The following TPD52L1 variants were observed in gnomAD, a reference collection of about 807,000 sequenced individuals.
TPD52L1 encodes the protein TPD52 like 1.
Under a neutral mutation model 28.7 loss-of-function variants are expected in TPD52L1, and 18 were observed. The ratio of observed to expected loss-of-function variants is 0.63; its 90% CI spans 0.43 to 0.93. TPD52L1 has a LOEUF of 0.93. Among genes scored for constraint, TPD52L1 ranks in the 40% least tolerant of loss-of-function variants. The pLI is 0.00. For synonymous variants in TPD52L1, 75 were observed against 88.8 expected, an observed-to-expected ratio of 0.84 and a Z score of 0.88; for missense variants, 203 against 254.8, an observed-to-expected ratio of 0.80 and a Z score of 1.39.
chr6:125,169,694 G>C (rs1057175050), intron 1 of TPD52L1, among the ~76,000 whole-genome samples: 1 of 152,058 alleles, frequency 6.6e-6, no homozygotes, highest in African/African-American at 2.4e-5. Context: ...TCTCCCATGC[G>C]CATTACTGCA....
At position 125,158,973 on chromosome 6, in the gene TPD52L1, G is replaced by A. The variant is rs528894856; in HGVS notation, c.19+5003G>A. ...ATACTTTTTGCTAAAAATTGCTAAC[G>A]ATCATTTGTGCCTTCACTGAGTGGT... On this transcript the variant is annotated intron_variant, in intron 1 of 6. Coordinates refer to ENST00000534000, the MANE Select transcript of TPD52L1 (RefSeq NM_003287.4). 5.3e-5 allele frequency among the ~76,000 whole-genome samples: 8 copies of A among 152,304 alleles called. No homozygotes were observed. In the South Asian group the frequency reaches 1.7e-3, roughly 32 times the overall value.
intron 3 of TPD52L1, among the ~76,000 whole-genome samples, chr6:125,237,587 A>T (rs1261954504): frequency 6.6e-6 from 1 of 152,206 alleles, no homozygotes; most frequent in Non-Finnish European, 1.5e-5. Flanking sequence ...TTATGATGTC[A>T]GTAGAGTCCT....
intron 1 of TPD52L1, chr6:125,209,053 A>G: frequency 1.4e-6 from 1 of 692,254 alleles, no homozygotes; most frequent in African/African-American, 1.9e-5. Flanking sequence ...TATTTCCCAT[A>G]CACAGCCTTG....
intron 1 of TPD52L1, among the ~76,000 whole-genome samples, chr6:125,218,144 T>G (rs903990525): frequency 2.0e-5 from 3 of 152,214 alleles, no homozygotes; most frequent in Admixed American, 6.5e-5. Flanking sequence ...GAATGTCCAA[T>G]TTTAATATAC....
chr6:125,210,126 T>G (rs6919420), intron 1 of TPD52L1, among the ~76,000 whole-genome samples: 1 of 152,058 alleles, frequency 6.6e-6, no homozygotes, highest in African/African-American at 2.4e-5. Context: ...TCAGGAGAAG[T>G]CAAATAATCA....
chr6:125,188,298 T>C (rs933845078), intron 1 of TPD52L1, among the ~76,000 whole-genome samples: 1 of 152,162 alleles, frequency 6.6e-6, no homozygotes, highest in African/African-American at 2.4e-5. Context: ...ATCTGTCTTC[T>C]TCACCTAGTA....
intron 3 of TPD52L1, 120 bp downstream of exon 3, chr6:125,229,386 T>C: frequency 1.9e-6 from 2 of 1,039,006 alleles, no homozygotes; most frequent in Non-Finnish European, 2.7e-6. Context: ...AAAAAAATAC[T>C]TTCTCTAAAA....
At chr6:125,260,976 GAAAAGAAAAGAAAGAAAGAAAGA>G in intron 6 of TPD52L1, 1 of 83,682 alleles carries the variant, frequency 1.2e-5, no homozygotes, top group Non-Finnish European at 2.5e-5. Context: ...AAGAAAGAAA[GAAAAGAAAAGAAAGAAAGAAAGA>G]AAGAAAGAAA....
intron 1 of TPD52L1, among the ~76,000 whole-genome samples, chr6:125,179,350 G>T (rs1792034784): frequency 1.3e-5 from 2 of 152,222 alleles, no homozygotes; most frequent in Non-Finnish European, 2.9e-5. Flanking sequence ...GAATAGTGCA[G>T]CTCAATGACA....
chr6:125,259,493 C>G (rs1334497051), intron 6 of TPD52L1, among the ~76,000 whole-genome samples: 1 of 152,202 alleles, frequency 6.6e-6, no homozygotes, highest in Admixed American at 6.5e-5. Context: ...CTGATGTCAC[C>G]TGTACAGTCA....
chr6:125,203,695 G>C (rs868853819), intron 1 of TPD52L1: 7 of 985,354 alleles, frequency 7.1e-6, no homozygotes, highest in Non-Finnish European at 7.2e-6. Context: ...GCTTAGGGCT[G>C]AGCAGCTCAC....
intron 2 of TPD52L1, among the ~76,000 whole-genome samples, chr6:125,222,899 GA>G (rs1164631329): frequency 3.3e-4 from 50 of 152,204 alleles, no homozygotes; most frequent in Middle Eastern, 3.4e-3. Context: ...AAAAGAAAAA[GA>G]AAACAAACTG....
At chr6:125,233,542 ATTCTT>A (rs1163124316) in intron 3 of TPD52L1, among the ~76,000 whole-genome samples, 1 of 152,214 alleles carries the variant, frequency 6.6e-6, no homozygotes, top group Non-Finnish European at 1.5e-5. Flanking sequence ...CAGGAAGTAG[ATTCTT>A]TTCTTCTAGA....
chr6:125,256,797 A>T (rs905528090), intron 5 of TPD52L1, among the ~76,000 whole-genome samples: 5 of 152,280 alleles, frequency 3.3e-5, no homozygotes, highest in African/African-American at 1.2e-4. Flanking sequence ...CCACTGGCTC[A>T]TTGGAAATGA....
chr6:125,238,517 T>TC (rs562787186), intron 3 of TPD52L1, among the ~76,000 whole-genome samples: 48 of 151,612 alleles, frequency 3.2e-4, no homozygotes, highest in Middle Eastern at 3.4e-3. Context: ...TCGAACCCTT[T>TC]CCCCCGAGTC....
chr6:125,198,054 T>G (rs1793559947), intron 1 of TPD52L1, among the ~76,000 whole-genome samples: 2 of 152,186 alleles, frequency 1.3e-5, no homozygotes, highest in Admixed American at 1.3e-4. Context: ...ACTAGGATTA[T>G]ACCCTGGGCT....
chr6:125,166,815 A>G lies in TPD52L1; in HGVS notation c.19+12845A>G, dbSNP rs1790938683. 3.3e-5 allele frequency among the ~76,000 whole-genome samples: 5 copies of G among 151,714 alleles called. No individual in the cohort carries two copies. The South Asian group carries it at 1.0e-3, about 32-fold the overall frequency. The stretch of plus-strand genomic sequence containing the variant: ...GATAAATGGGTCCTTAGGAGAATAG[A>G]TGGGAGATATGACAGTTTGTGACAA... On this transcript the variant is annotated intron_variant, in intron 1 of 6. Coordinates refer to ENST00000534000, the MANE Select transcript of TPD52L1 (RefSeq NM_003287.4).
intron 1 of TPD52L1, among the ~76,000 whole-genome samples, chr6:125,165,350 T>C (rs1790824865): frequency 6.6e-6 from 1 of 152,082 alleles, no homozygotes; most frequent in Admixed American, 6.5e-5. Flanking sequence ...TTTTAATGAA[T>C]TTGAAATGGC....
intron 1 of TPD52L1, among the ~76,000 whole-genome samples, chr6:125,211,275 C>T (rs1794481685): frequency 1.4e-5 from 2 of 147,680 alleles, no homozygotes; most frequent in Non-Finnish European, 3.0e-5. Context: ...ATCTATCTAT[C>T]TATCTATCTA....
Sources: gnomAD v4.1 joint callset for allele counts (sites outside exome capture counted in the v4.1 genomes callset) on GRCh38, gnomAD v4.1.1 for gene constraint, MANE v1.5 for transcripts, NCBI Gene and HGNC (gene_info 2026-07-23, HGNC 2026-07-21) for gene names.